Variants in DCDC2C observed in about 807,000 individuals in gnomAD.
DCDC2C encodes the protein doublecortin domain-containing protein 2C.
Under a neutral mutation model 45.0 loss-of-function variants are expected in DCDC2C, and 44 were observed. The observed-to-expected ratio is 0.98, with a 90% CI of 0.77 to 1.26. The LOEUF (loss-of-function observed/expected upper bound fraction) is 1.26, where lower values mean the gene tolerates loss of function less well. Ranked by LOEUF, DCDC2C falls within the 50% of genes most tolerant of loss-of-function variation. DCDC2C has a pLI of 0.00. For missense variants in DCDC2C, 447 were observed against 468.9 expected (o/e 0.95, Z 0.43); for synonymous variants, 187 against 178.8 (o/e 1.05, Z -0.37).
intron 9 of DCDC2C, among the ~76,000 whole-genome samples, chr2:3,781,928 G>GTTATTTTTGTGGTAGAATACAAA (rs1234736431): frequency 6.6e-6 from 1 of 152,146 alleles, no homozygotes; most frequent in Non-Finnish European, 1.5e-5. Flanking sequence ...GATCACAAAC[G>GTTATTTTTGTGGTAGAATACAAA]TTATTTTTGT....
intron 10 of DCDC2C, among the ~76,000 whole-genome samples, chr2:3,800,932 A>G (rs1671097920): frequency 6.6e-6 from 1 of 152,182 alleles, no homozygotes; most frequent in Admixed American, 6.5e-5. Flanking sequence ...AAGGAGGCCA[A>G]TGACTCTTAG....
rs183797039 is a variant in DCDC2C at position 3,818,851 on chromosome 2, G to T, written c.1066-28303G>T. ...CTGTAGCCCAGGAATAGTCAGGGAAGTAGATAATTTAGTTAAAATGTTTCA... is the reference window on the plus strand; with the variant it reads ...CTGTAGCCCAGGAATAGTCAGGGAATTAGATAATTTAGTTAAAATGTTTCA... On this transcript the variant is annotated intron_variant, in intron 10 of 10. Transcript: ENST00000399143. The surrounding 1 kb of genome is among the most constrained non-coding windows in gnomAD (Gnocchi z 4.7). 7.9e-4 allele frequency among the ~76,000 whole-genome samples: 120 copies of T among 152,280 alleles called. No individual in the cohort carries two copies. Among genetic ancestry groups the T allele is most frequent in the East Asian group, 6.6e-3 (34 of 5,182 alleles).
chr2:3,709,475 C>A (rs1440579012), intron 2 of DCDC2C, among the ~76,000 whole-genome samples: 2 of 152,222 alleles, frequency 1.3e-5, no homozygotes, highest in East Asian at 3.9e-4. Context: ...TCACAGGCAC[C>A]AGCTTCCAGA....
intron 3 of DCDC2C, among the ~76,000 whole-genome samples, chr2:3,735,429 A>G (rs571071060): frequency 7.9e-5 from 12 of 151,672 alleles, no homozygotes; most frequent in Admixed American, 7.2e-4. Context: ...CCACCCCACA[A>G]CAGTCCCTGG....
chr2:3,828,642 A>G (rs547663326), intron 10 of DCDC2C, among the ~76,000 whole-genome samples: 9 of 152,324 alleles, frequency 5.9e-5, no homozygotes, highest in African/African-American at 2.2e-4. Context: ...GGAGGAGGGA[A>G]TGAGCCCATT....
At chr2:3,744,745 T>C (rs958927360) in intron 4 of DCDC2C, among the ~76,000 whole-genome samples, 3 of 152,102 alleles carry the variant, frequency 2.0e-5, no homozygotes, top group African/African-American at 7.2e-5. Context: ...CACTTTTGAG[T>C]AGGATGTAAA....
intron 10 of DCDC2C, among the ~76,000 whole-genome samples, chr2:3,806,362 G>T (rs1408809362): frequency 6.6e-6 from 1 of 152,178 alleles, no homozygotes; most frequent in East Asian, 1.9e-4. Flanking sequence ...TCCCTCACCC[G>T]TTTCTGACAG....
At chr2:3,770,703 T>C (rs1670139346) in intron 8 of DCDC2C, among the ~76,000 whole-genome samples, 1 of 152,222 alleles carries the variant, frequency 6.6e-6, no homozygotes, top group Non-Finnish European at 1.5e-5. Flanking sequence ...GCTTTCTGGG[T>C]TGTAGACTGT....
intron 6 of DCDC2C, among the ~76,000 whole-genome samples, chr2:3,762,571 A>G (rs1171449013): frequency 1.3e-5 from 2 of 152,110 alleles, no homozygotes; most frequent in Non-Finnish European, 2.9e-5. Context: ...CATGGCAAAC[A>G]CAGGAGCAAG....
intron 10 of DCDC2C, among the ~76,000 whole-genome samples, chr2:3,842,830 G>T (rs1292918704): frequency 1.3e-5 from 2 of 152,038 alleles, no homozygotes; most frequent in Admixed American, 1.3e-4. Context: ...AACAGGAGGA[G>T]AAGGAAAGAC....
At position 3,708,557 on chromosome 2, in the gene DCDC2C, A is replaced by G. The variant is rs967582146; in HGVS notation, c.296A>G (p.His99Arg). Residue 99 changes from histidine to arginine, a missense_variant, in exon 2 of 11, where the codon CAT becomes CGT. Coordinates refer to ENST00000399143, the MANE Select transcript of DCDC2C (RefSeq NM_001287444.2). ...TCTTTCTTCTTTTGCAGTTATATTC[A>G]TATAGTTCCCCGAAAACCTGCAAAG... ...RERFKELDYI[H>R]IVPRKPAKIR... The G allele has an allele frequency of 2.6e-6, 4 of 1,547,032 alleles. No homozygotes were observed. Among genetic ancestry groups the G allele is most frequent in the Non-Finnish European group, 3.5e-6 (4 of 1,144,886 alleles).
intron 2 of DCDC2C, among the ~76,000 whole-genome samples, chr2:3,725,497 G>GA (rs1668630001): frequency 6.1e-5 from 6 of 98,732 alleles, no homozygotes; most frequent in Non-Finnish European, 4.5e-5. Flanking sequence ...CGAGCAGAGA[G>GA]GGAGGAGGCT....
intron 5 of DCDC2C, among the ~76,000 whole-genome samples, chr2:3,754,095 C>T (rs551623902): frequency 1.3e-5 from 2 of 152,282 alleles, no homozygotes; most frequent in Admixed American, 1.3e-4. Flanking sequence ...CTGACCAGGT[C>T]TGACTGGCTT....
rs529267905 is a variant in DCDC2C, at chr2:3,759,673, C to T, written c.726+5039C>T. Reference sequence around the variant, plus strand: ...GTGTGAGAAGTTGCTTTGCTCTAGACGAGCACATTTATTACATGAGAGTGA... The same window carrying T: ...GTGTGAGAAGTTGCTTTGCTCTAGATGAGCACATTTATTACATGAGAGTGA... On this transcript the variant is annotated intron_variant, in intron 6 of 10. Transcript: ENST00000399143. Among the ~76,000 whole-genome samples the T allele has an allele frequency of 5.3e-5, 8 of 152,220 alleles. No homozygotes were observed. The South Asian group carries it at 1.5e-3, about 28-fold the overall frequency.
chr2:3,790,550 C>G (rs571827058), intron 10 of DCDC2C, among the ~76,000 whole-genome samples: 5 of 152,304 alleles, frequency 3.3e-5, no homozygotes, highest in Non-Finnish European at 7.3e-5. Context: ...AGCATTATCT[C>G]TGACTCAGGA....
intron 10 of DCDC2C, among the ~76,000 whole-genome samples, chr2:3,812,240 A>G (rs757192182): frequency 1.3e-5 from 2 of 151,726 alleles, no homozygotes; most frequent in Non-Finnish European, 2.9e-5. Flanking sequence ...TAGGCTATTA[A>G]TTACTGCCTC....
intron 2 of DCDC2C, among the ~76,000 whole-genome samples, chr2:3,720,065 T>C (rs1441276085): frequency 2.6e-5 from 4 of 152,170 alleles, no homozygotes; most frequent in African/African-American, 9.7e-5. Flanking sequence ...GATGGTGGGC[T>C]CTGTGTTGCC....
intron 10 of DCDC2C, among the ~76,000 whole-genome samples, chr2:3,816,342 T>G (rs1213297947): frequency 6.6e-6 from 1 of 152,170 alleles, no homozygotes; most frequent in Non-Finnish European, 1.5e-5. Flanking sequence ...GTTGGTGAGT[T>G]TTTGGGCTCT....
In DCDC2C at chr2:3,776,070, G is replaced by C. The variant is rs1271194425; in HGVS notation, c.955-2746G>C. 2.6e-5 allele frequency among the ~76,000 whole-genome samples: 4 copies of C among 152,160 alleles called. No individual in the cohort carries two copies. In the East Asian group the frequency reaches 7.7e-4, roughly 29 times the overall value. On this transcript the variant is annotated intron_variant, in intron 8 of 10. Transcript: ENST00000399143. The stretch of plus-strand genomic sequence containing the variant: ...TTCTTCATCATAGAAGGAGAGGTCC[G>C]TCCTCTCCTACCCATATATCCCCTC...
Sources: gnomAD v4.1 joint callset for allele counts (sites outside exome capture counted in the v4.1 genomes callset) on GRCh38, gnomAD v4.1.1 for gene constraint, Gnocchi (gnomAD v3.1) non-coding constraint, MANE v1.5 for transcripts, NCBI Gene and HGNC (gene_info 2026-07-23, HGNC 2026-07-21) for gene names.